Variants in PBX1 observed in about 807,000 individuals in gnomAD.
The protein encoded by PBX1 is pre-B-cell leukemia transcription factor 1.
In PBX1, 6 loss-of-function variants were observed where a neutral mutation model predicts 53.4. The ratio of observed to expected loss-of-function variants is 0.11; its 90% CI spans 0.06 to 0.22. The LOEUF (loss-of-function observed/expected upper bound fraction) is 0.22. Ranked by LOEUF, PBX1 falls within the 10% of genes least tolerant of loss-of-function variation. The probability of loss-of-function intolerance (pLI) is 1.00; values close to 1 mark genes in which losing one functional copy is unlikely to be tolerated. For synonymous variants in PBX1, 204 were observed against 212.3 expected (o/e 0.96, Z 0.34); for missense variants, 251 against 551.4 (o/e 0.46, Z 5.46).
At chr1:164,586,842 G>C (rs1203516019) in intron 2 of PBX1, among the ~76,000 whole-genome samples, 1 of 152,148 alleles carries the variant, frequency 6.6e-6, no homozygotes, top group Non-Finnish European at 1.5e-5. Flanking sequence ...AGGTGTGATT[G>C]AGAGTCAGAT....
chr1:164,668,962 T>G (rs1424544743), intron 2 of PBX1, among the ~76,000 whole-genome samples: 1 of 151,954 alleles, frequency 6.6e-6, no homozygotes, highest in Non-Finnish European at 1.5e-5. Flanking sequence ...CTTGGGAGTC[T>G]GGTAGGAAGA....
rs557813046 is a variant in PBX1 at position 164,875,406 on chromosome 1, G to C, written n.258-23782G>C. ...CAACCTTGACCTCTTGGGCTCAAGA[G>C]ATCCTCACACTTCAGCCTCCCTTGT... On this transcript the variant is annotated intron_variant and non_coding_transcript_variant, in intron 2 of 2. Coordinates refer to the PBX1 transcript ENST00000558796. 1.1e-4 allele frequency among the ~76,000 whole-genome samples: 16 copies of C among 152,252 alleles called. No homozygotes were observed. In the South Asian group the frequency reaches 3.3e-3, roughly 32 times the overall value.
chr1:164,847,632 T>TGCACATGTAG lies in PBX1; in HGVS notation c.*966_*975dup. 9.4e-7 allele frequency: 1 copy of TGCACATGTAG among 1,061,596 alleles called. No homozygotes were observed. The highest frequency in any genetic ancestry group is 1.6e-5 in the African/African-American group (1 of 60,952). The allele number at this position is 1,061,596 out of a possible 1,614,324, so 65.8% of individuals were successfully genotyped here. On this transcript the variant is annotated 3_prime_UTR_variant, in exon 9 of 9. Coordinates refer to ENST00000420696, the MANE Select transcript of PBX1 (RefSeq NM_002585.4). Reference sequence around the variant, plus strand: ...ATGCCTTCATAGACACACACGTTCATGCACATGTAGGCACATGTACCATCT... The same window carrying TGCACATGTAG: ...ATGCCTTCATAGACACACACGTTCATGCACATGTAGGCACATGTAGGCACATGTACCATCT...
intron 2 of PBX1, among the ~76,000 whole-genome samples, chr1:164,702,805 C>G (rs916620821): frequency 2.0e-5 from 3 of 152,086 alleles, no homozygotes; most frequent in African/African-American, 7.2e-5. Context: ...GAGGAAAATT[C>G]TTCTTCTCGT....
intron 2 of PBX1, among the ~76,000 whole-genome samples, chr1:164,618,308 G>GC (rs1330188046): frequency 1.4e-5 from 2 of 145,176 alleles, no homozygotes; most frequent in Non-Finnish European, 1.5e-5. Flanking sequence ...GGGGGGGGGG[G>GC]GGCACTCAAG....
At chr1:164,685,008 A>T (rs1284354251) in intron 2 of PBX1, 1 of 152,218 alleles carries the variant, frequency 6.6e-6, no homozygotes, top group Non-Finnish European at 1.5e-5. Flanking sequence ...CCACAACCTT[A>T]GGAATTAGAC....
intron 8 of PBX1, among the ~76,000 whole-genome samples, chr1:164,832,604 ATGATAGCCTGCAAGGG>A (rs1196063466): frequency 1.3e-5 from 2 of 152,230 alleles, no homozygotes; most frequent in African/African-American, 4.8e-5. Context: ...AAGAATAAAT[ATGATAGCCTGCAAGGG>A]TAATATAATA....
intron 8 of PBX1, among the ~76,000 whole-genome samples, chr1:164,822,151 G>A (rs188239092): frequency 1.8e-4 from 27 of 152,232 alleles, no homozygotes; most frequent in African/African-American, 6.3e-4. Context: ...TACGCTGGCG[G>A]CTCCTGACTA....
intron 2 of PBX1, among the ~76,000 whole-genome samples, chr1:164,874,304 G>A (rs185980999): frequency 3.9e-5 from 6 of 152,178 alleles, no homozygotes; most frequent in Admixed American, 1.3e-4. Flanking sequence ...ATGAGACTTC[G>A]CTTCGCCATT....
intron 2 of PBX1, among the ~76,000 whole-genome samples, chr1:164,646,199 AG>A (rs1659443764): frequency 6.6e-6 from 1 of 152,188 alleles, no homozygotes; most frequent in Non-Finnish European, 1.5e-5. Context: ...AGAAGAATGA[AG>A]GGGAAATTGA....
chr1:164,693,365 G>A (rs972554365), intron 2 of PBX1, among the ~76,000 whole-genome samples: 10 of 152,216 alleles, frequency 6.6e-5, no homozygotes, highest in African/African-American at 1.7e-4. Flanking sequence ...TGGAAGGGCC[G>A]AAGAACAAAT....
At chr1:164,669,695 C>T (rs77309298) in intron 2 of PBX1, among the ~76,000 whole-genome samples, 198 of 152,284 alleles carry the variant, frequency 1.3e-3, no homozygotes, top group African/African-American at 4.6e-3. Context: ...CTAGGGAGTT[C>T]ACTATTCTGT....
At chr1:164,826,341 T>A (rs1670462661) in intron 8 of PBX1, among the ~76,000 whole-genome samples, 1 of 152,218 alleles carries the variant, frequency 6.6e-6, no homozygotes, top group African/African-American at 2.4e-5. Context: ...TCCCTTTGAA[T>A]TCCTTGGATA....
intron 2 of PBX1, among the ~76,000 whole-genome samples, chr1:164,765,927 G>A (rs919217782): frequency 3.5e-4 from 54 of 152,246 alleles, no homozygotes; most frequent in Admixed American, 5.9e-4. Context: ...AACCTTGTTT[G>A]AATAAATTAA....
intron 2 of PBX1, among the ~76,000 whole-genome samples, chr1:164,780,972 C>T (rs1269919685): frequency 6.6e-6 from 1 of 152,190 alleles, no homozygotes; most frequent in African/African-American, 2.4e-5. Context: ...TGAGAAGCAG[C>T]AAATGCCTCC....
chr1:164,755,930 A>C (rs570353128), intron 2 of PBX1, among the ~76,000 whole-genome samples: 7 of 151,750 alleles, frequency 4.6e-5, no homozygotes, highest in African/African-American at 1.4e-4. Context: ...CCAGGGTTTT[A>C]AGAAGGCTCT....
chr1:164,756,904 G>GA (rs978298466), intron 2 of PBX1, among the ~76,000 whole-genome samples: 1 of 152,120 alleles, frequency 6.6e-6, no homozygotes, highest in Admixed American at 6.6e-5. Context: ...TAGATAAGGA[G>GA]AAAAAAATGT....
intron 2 of PBX1, among the ~76,000 whole-genome samples, chr1:164,583,528 C>T (rs1021988542): frequency 6.6e-6 from 1 of 152,064 alleles, no homozygotes; most frequent in Admixed American, 6.6e-5. Context: ...TTTTCATGGG[C>T]AGCTGGAGTT....
intron 2 of PBX1, among the ~76,000 whole-genome samples, chr1:164,735,897 G>A (rs1163399243): frequency 6.6e-6 from 1 of 152,186 alleles, no homozygotes; most frequent in Non-Finnish European, 1.5e-5. Flanking sequence ...TGTGATTCAA[G>A]CCATAGCTGA....
Sources: allele counts gnomAD v4.1 joint callset (sites outside exome capture counted in the v4.1 genomes callset), GRCh38; gene constraint gnomAD v4.1.1; transcripts MANE v1.5; gene names NCBI Gene and HGNC (gene_info 2026-07-23, HGNC 2026-07-21).